Variants in OPRM1 observed in about 807,000 individuals in gnomAD.
OPRM1 encodes the protein mu-type opioid receptor.
In OPRM1, 27 loss-of-function variants were observed where a neutral mutation model predicts 31.8. The observed-to-expected ratio is 0.85, with a 90% CI of 0.63 to 1.17. The LOEUF is 1.17. OPRM1 is among the 50% of genes most tolerant of loss of function. OPRM1 has a pLI of 0.00. For missense variants in OPRM1, 536 were observed against 511.1 expected, an observed-to-expected ratio of 1.05 and a Z score of -0.47; for synonymous variants, 196 against 189.9, an observed-to-expected ratio of 1.03 and a Z score of -0.26.
At chr6:154,068,724 A>G (rs552310239) in intron 1 of OPRM1, among the ~76,000 whole-genome samples, 2 of 152,310 alleles carry the variant, frequency 1.3e-5, no homozygotes, top group East Asian at 3.9e-4. Context: ...ATATATACCT[A>G]GTAGTGAGAT....
Position 154,108,850 on chromosome 6 carries a change from G to A in OPRM1, c.1165-9833G>A, listed in dbSNP as rs1583584685. ...CCTCGGTGATAAGATAAAAAACCAA[G>A]CATACTAGAAGTGTTCTCTAAAATT... On this transcript the variant is annotated intron_variant, in intron 3 of 3. Coordinates refer to ENST00000330432, the MANE Select transcript of OPRM1 (RefSeq NM_000914.5). 1.0e-6 allele frequency: 1 copy of A among 984,986 alleles called. No individual in the cohort carries two copies. The highest frequency in any genetic ancestry group is 1.2e-6 in the Non-Finnish European group (1 of 829,660). The allele number at this position is 984,986 out of a possible 1,614,324, so 61.0% of individuals were successfully genotyped here. A position where few individuals can be genotyped will look rare whatever the true frequency, so the allele number is the denominator to read the frequency against.
intron 3 of OPRM1, chr6:154,159,959 C>T (rs1325749445): frequency 6.2e-7 from 1 of 1,613,492 alleles, no homozygotes; most frequent in East Asian, 2.2e-5. Context: ...GTGTTCATGA[C>T]TTTCCACTCT....
chr6:154,214,649 CTCTTAATAATG>C (rs768490176), intron 3 of OPRM1, among the ~76,000 whole-genome samples: 1 of 152,112 alleles, frequency 6.6e-6, no homozygotes, highest in Non-Finnish European at 1.5e-5. Flanking sequence ...TTAGGTGTTA[CTCTTAATAATG>C]TCTTAATAAT....
chr6:154,144,524 A>T (rs1460791588), intron 3 of OPRM1, among the ~76,000 whole-genome samples: 1 of 152,170 alleles, frequency 6.6e-6, no homozygotes, highest in Non-Finnish European at 1.5e-5. Flanking sequence ...AGGCAGGTGG[A>T]TCACCCGAGG....
intron 1 of OPRM1, among the ~76,000 whole-genome samples, chr6:154,021,143 T>C (rs1003535331): frequency 6.6e-6 from 1 of 152,176 alleles, no homozygotes; most frequent in Admixed American, 6.5e-5. Flanking sequence ...TTGTGAAGAG[T>C]TTAAGGTCTA....
chr6:154,241,950 C>T (rs990247737), intron 3 of OPRM1, among the ~76,000 whole-genome samples: 37 of 152,118 alleles, frequency 2.4e-4, no homozygotes, highest in African/African-American at 7.2e-4. Context: ...CTGGCTTTGT[C>T]GTTGGGAAAC....
At chr6:154,140,722 A>G (rs1798183473) in intron 3 of OPRM1, among the ~76,000 whole-genome samples, 1 of 152,170 alleles carries the variant, frequency 6.6e-6, no homozygotes, top group South Asian at 2.1e-4. Flanking sequence ...TCATAGATAT[A>G]CAGGTCAACC....
chr6:154,132,433 G>T (rs113079478), downstream of OPRM1, among the ~76,000 whole-genome samples: 1,588 of 152,222 alleles, frequency 0.01, 33 homozygotes, highest in African/African-American at 0.035. Flanking sequence ...TAAATGTTGC[G>T]ACGTAGGTAA....
chr6:154,127,322 TA>T lies in OPRM1; in HGVS notation c.*8604del, dbSNP rs1797648096. 6.6e-6 allele frequency among the ~76,000 whole-genome samples: 1 copy of T among 152,212 alleles called. No individual in the cohort carries two copies. The highest frequency in any genetic ancestry group is 6.5e-5 in the Admixed American group (1 of 15,282). On this transcript the variant is annotated 3_prime_UTR_variant, in exon 4 of 4. Transcript: ENST00000330432. Reference sequence around the variant, plus strand: ...CTTCCAAAAGAAGAGGTCTCATTTATAAAGTGAATTTGAATAAAATGACCAG... The same window carrying T: ...CTTCCAAAAGAAGAGGTCTCATTTATAAGTGAATTTGAATAAAATGACCAG...
intron 3 of OPRM1, among the ~76,000 whole-genome samples, chr6:154,114,527 T>C (rs1796665875): frequency 6.6e-6 from 1 of 152,170 alleles, no homozygotes; most frequent in Non-Finnish European, 1.5e-5. Flanking sequence ...CACGTAGTAC[T>C]GCAACAGCCC....
chr6:154,240,044 G>A (rs752938829), intron 3 of OPRM1, among the ~76,000 whole-genome samples: 1 of 152,106 alleles, frequency 6.6e-6, no homozygotes, highest in Non-Finnish European at 1.5e-5. Context: ...TTTGGGATAC[G>A]CTCAGAGGCT....
At chr6:154,192,151 T>C (rs1801946682) in intron 3 of OPRM1, among the ~76,000 whole-genome samples, 1 of 152,238 alleles carries the variant, frequency 6.6e-6, no homozygotes, top group Non-Finnish European at 1.5e-5. Flanking sequence ...CTGGCCATGA[T>C]GTATGCCTAT....
chr6:154,068,030 T>A (rs1785828452), intron 1 of OPRM1, among the ~76,000 whole-genome samples: 1 of 152,158 alleles, frequency 6.6e-6, no homozygotes, highest in African/African-American at 2.4e-5. Context: ...TCTACTGTAC[T>A]TTCCTTTCAA....
At chr6:154,232,916 C>T (rs867565368) in intron 3 of OPRM1, among the ~76,000 whole-genome samples, 1 of 149,874 alleles carries the variant, frequency 6.7e-6, no homozygotes, top group Admixed American at 6.6e-5. Context: ...GAAAAGAAAA[C>T]AAAAGAGAAG....
At chr6:154,165,200 T>C (rs192046941) in intron 3 of OPRM1, among the ~76,000 whole-genome samples, 9 of 152,184 alleles carry the variant, frequency 5.9e-5, no homozygotes, top group Admixed American at 2.0e-4. Flanking sequence ...GCTTAAAGAA[T>C]TATCACAAAA....
chr6:154,113,173 G>A (rs1796519687), intron 3 of OPRM1, among the ~76,000 whole-genome samples: 2 of 152,164 alleles, frequency 1.3e-5, no homozygotes, highest in African/African-American at 4.8e-5. Flanking sequence ...ATCTTCTATG[G>A]TTTGTTCTGT....
intron 3 of OPRM1, among the ~76,000 whole-genome samples, chr6:154,234,114 A>G (rs1418064986): frequency 1.3e-5 from 2 of 152,226 alleles, no homozygotes; most frequent in African/African-American, 4.8e-5. Context: ...AAGCTGAGGC[A>G]GGAAGATTGC....
At chr6:154,183,905 A>G (rs1379956235) in intron 3 of OPRM1, among the ~76,000 whole-genome samples, 1 of 152,130 alleles carries the variant, frequency 6.6e-6, no homozygotes, top group African/African-American at 2.4e-5. Context: ...CAAACAAACA[A>G]AAAAAACAAA....
intron 1 of OPRM1, among the ~76,000 whole-genome samples, chr6:154,023,507 T>C (rs916155873): frequency 2.6e-5 from 4 of 152,150 alleles, no homozygotes; most frequent in African/African-American, 9.7e-5. Context: ...ACAAGGATAA[T>C]TTGACTTCTT....
Sources: gnomAD v4.1 joint callset for allele counts (sites outside exome capture counted in the v4.1 genomes callset) on GRCh38, gnomAD v4.1.1 for gene constraint, MANE v1.5 for transcripts, NCBI Gene and HGNC (gene_info 2026-07-23, HGNC 2026-07-21) for gene names.